Variants in ZNF423 observed in about 807,000 individuals in gnomAD.
ZNF423 encodes Ebf-associated zinc finger protein.
ZNF423 carries 12 observed loss-of-function variants against 95.8 expected under a neutral mutation model. That is an observed-to-expected ratio of 0.13 (90% CI 0.08 to 0.20). ZNF423 has a LOEUF of 0.20. Ranked by LOEUF, ZNF423 falls within the 10% of genes least tolerant of loss-of-function variation. The probability of loss-of-function intolerance (pLI) is 1.00; values close to 1 mark genes in which losing one functional copy is unlikely to be tolerated. For synonymous variants in ZNF423, 749 were observed against 711.9 expected (o/e 1.05, Z -0.83); for missense variants, 1,316 against 1,737.1 (o/e 0.76, Z 4.31).
intron 1 of ZNF423, among the ~76,000 whole-genome samples, chr16:49,810,386 C>T (rs559185859): frequency 1.3e-5 from 2 of 152,260 alleles, no homozygotes; most frequent in South Asian, 4.1e-4. Context: ...CCCAAAACAC[C>T]CCTGCCATGT....
At chr16:49,771,192 C>CTTT (rs71380376) in intron 2 of ZNF423, among the ~76,000 whole-genome samples, 27 of 89,474 alleles carry the variant, frequency 3.0e-4, no homozygotes, top group Non-Finnish European at 3.9e-4. Flanking sequence ...TTTTTTTTTT[C>CTTT]TTTTTTTTTT....
chr16:49,756,277 G>T (rs1317744189), intron 2 of ZNF423, among the ~76,000 whole-genome samples: 1 of 152,192 alleles, frequency 6.6e-6, no homozygotes, highest in Non-Finnish European at 1.5e-5. Context: ...GGCTCTAAGT[G>T]TGTGGCCCAC....
At chr16:49,685,560 C>G (rs1331588610) in intron 3 of ZNF423, among the ~76,000 whole-genome samples, 1 of 152,194 alleles carries the variant, frequency 6.6e-6, no homozygotes. Flanking sequence ...TCAGGAGAGA[C>G]CCCTCTGTTC....
chr16:49,643,515 C>T (rs1010660354), intron 3 of ZNF423, among the ~76,000 whole-genome samples: 27 of 149,394 alleles, frequency 1.8e-4, no homozygotes, highest in African/African-American at 6.2e-4. Context: ...CCCCTTAGTC[C>T]TGTTCAGTCA....
At chr16:49,633,654 C>T (rs1972580048) in intron 4 of ZNF423, among the ~76,000 whole-genome samples, 1 of 152,126 alleles carries the variant, frequency 6.6e-6, no homozygotes, top group African/African-American at 2.4e-5. Flanking sequence ...CCAAAACATT[C>T]CCTGAGAGCA....
chr16:49,733,708 C>T (rs1427566578), intron 2 of ZNF423, among the ~76,000 whole-genome samples: 2 of 152,112 alleles, frequency 1.3e-5, no homozygotes, highest in East Asian at 3.9e-4. Context: ...CAAGGGGTCC[C>T]AGCCTGGCCC....
intron 2 of ZNF423, among the ~76,000 whole-genome samples, chr16:49,752,029 C>T (rs1257764453): frequency 6.6e-6 from 1 of 152,172 alleles, no homozygotes; most frequent in Non-Finnish European, 1.5e-5. Context: ...ATCTCAGGAC[C>T]CCTAGTGCCC....
intron 5 of ZNF423, among the ~76,000 whole-genome samples, chr16:49,538,779 G>A (rs948189171): frequency 6.6e-5 from 10 of 152,154 alleles, no homozygotes; most frequent in Non-Finnish European, 1.2e-4. Flanking sequence ...CTGTCCTCCA[G>A]GCCACAATTT....
chr16:49,634,539 C>T (rs1596753048), intron 4 of ZNF423, among the ~76,000 whole-genome samples: 3 of 152,128 alleles, frequency 2.0e-5, no homozygotes, highest in Admixed American at 2.0e-4. Context: ...CCCTCCTCAC[C>T]CCCTCAAAAT....
chr16:49,815,900 ATATATATATATATATTTT>A (rs1567356370), intron 1 of ZNF423, among the ~76,000 whole-genome samples: 81 of 45,996 alleles, frequency 1.8e-3, no homozygotes, highest in African/African-American at 6.2e-3. Context: ...ATATATATAT[ATATATATATATATATTTT>A]TTTTTTTTTT....
At chr16:49,785,412 C>G (rs940444048) in intron 2 of ZNF423, among the ~76,000 whole-genome samples, 2 of 152,200 alleles carry the variant, frequency 1.3e-5, no homozygotes, top group African/African-American at 4.8e-5. Flanking sequence ...TGAAAATGTT[C>G]TAAGTTGACT....
chr16:49,741,919 C>T (rs1321977881), intron 2 of ZNF423, among the ~76,000 whole-genome samples: 1 of 152,228 alleles, frequency 6.6e-6, no homozygotes, highest in Admixed American at 6.5e-5. Flanking sequence ...CCTATGGGAC[C>T]ACTTTCCAGG....
chr16:49,523,684 C>T lies in ZNF423; in HGVS notation c.3789G>A (p.Glu1263=), dbSNP rs1215852907. The change falls in exon 7 of 8, where the codon GAG becomes GAA. Residue 1263 remains glutamate (E), a synonymous_variant. Coordinates refer to ENST00000563137, the MANE Select transcript of ZNF423 (RefSeq NM_001379286.1). ...QQHIFAVHGQ[E]DKIYDCSQCP... ...ACTGTGAGCAGTCGTAGATCTTGTCCTCCTGCCCGTGCACGGCAAAGATGT... is the reference window on the plus strand; with the variant it reads ...ACTGTGAGCAGTCGTAGATCTTGTCTTCCTGCCCGTGCACGGCAAAGATGT... 1.2e-6 allele frequency: 2 copies of T among 1,614,166 alleles called. No homozygotes were observed. The highest frequency in any genetic ancestry group is 1.1e-5 in the South Asian group (1 of 91,086).
At chr16:49,755,336 G>A (rs577224820) in intron 2 of ZNF423, among the ~76,000 whole-genome samples, 4 of 152,228 alleles carry the variant, frequency 2.6e-5, no homozygotes, top group East Asian at 1.9e-4. Flanking sequence ...CCGCTTTCCC[G>A]TTTCTGTAAT....
At chr16:49,763,676 C>T (rs1488640380) in intron 2 of ZNF423, among the ~76,000 whole-genome samples, 1 of 152,118 alleles carries the variant, frequency 6.6e-6, no homozygotes, top group Non-Finnish European at 1.5e-5. Context: ...TTCCTTTGCT[C>T]AACATGATGT....
At chr16:49,695,272 C>A (rs1252927482) in intron 3 of ZNF423, among the ~76,000 whole-genome samples, 2 of 152,162 alleles carry the variant, frequency 1.3e-5, no homozygotes, top group Non-Finnish European at 2.9e-5. Flanking sequence ...CACCACCATA[C>A]CTGGCTTAAT....
chr16:49,530,386 G>A (rs556215476), intron 5 of ZNF423, among the ~76,000 whole-genome samples: 260 of 151,932 alleles, frequency 1.7e-3, no homozygotes, highest in Non-Finnish European at 2.9e-3. Context: ...CCTGGATAGC[G>A]CTTACTACCA....
chr16:49,603,398 AC>A lies in ZNF423; in HGVS notation c.3601+22771del, dbSNP rs1288748544. On this transcript the variant is annotated intron_variant, in intron 5 of 7. Coordinates refer to ENST00000563137, the MANE Select transcript of ZNF423 (RefSeq NM_001379286.1). The surrounding 1 kb of genome is among the most constrained non-coding windows in gnomAD (Gnocchi z 4.1). ...AGCCCAGCATATGGTTTTATACCCT[AC>A]TGTCACTGTCTAGATTTTTTTTTTC... Among the ~76,000 whole-genome samples the A allele has an allele frequency of 2.0e-5, 3 of 151,902 alleles. No homozygotes were observed. The highest frequency in any genetic ancestry group is 7.3e-5 in the African/African-American group (3 of 41,292).
intron 2 of ZNF423, among the ~76,000 whole-genome samples, chr16:49,739,107 A>G (rs550070111): frequency 5.1e-4 from 77 of 152,110 alleles, no homozygotes; most frequent in Non-Finnish European, 9.9e-4. Flanking sequence ...TCCACACTCC[A>G]CCATTTAGCA....
Sources: gnomAD v4.1 joint callset for allele counts (sites outside exome capture counted in the v4.1 genomes callset) on GRCh38, gnomAD v4.1.1 for gene constraint, Gnocchi (gnomAD v3.1) non-coding constraint, MANE v1.5 for transcripts, NCBI Gene and HGNC (gene_info 2026-07-23, HGNC 2026-07-21) for gene names.